Variants in SNX29 observed in about 807,000 individuals in gnomAD.
SNX29 encodes the protein sorting nexin 29.
Under a neutral mutation model 102.1 loss-of-function variants are expected in SNX29, and 78 were observed. The observed-to-expected ratio is 0.76, with a 90% confidence interval of 0.64 to 0.92. The LOEUF is 0.92. Ranked by LOEUF, SNX29 falls within the 40% of genes least tolerant of loss-of-function variation. The pLI, the probability that SNX29 is intolerant of heterozygous loss-of-function variation, is 0.00. For synonymous variants in SNX29, 580 were observed against 414.5 expected (o/e 1.40, Z -4.85); for missense variants, 1,280 against 1,061.7 (o/e 1.21, Z -2.86).
chr16:12,255,217 A>T (rs901023478), intron 14 of SNX29, among the ~76,000 whole-genome samples: 1 of 151,826 alleles, frequency 6.6e-6, no homozygotes, highest in Non-Finnish European at 1.5e-5. Flanking sequence ...TTTTTTTGAG[A>T]CTGAGTCTTG....
chr16:12,309,945 T>C (rs1390305055), intron 15 of SNX29, among the ~76,000 whole-genome samples: 1 of 152,210 alleles, frequency 6.6e-6, no homozygotes, highest in South Asian at 2.1e-4. Flanking sequence ...TCTTGATACT[T>C]CTTGAGCTAA....
intron 15 of SNX29, among the ~76,000 whole-genome samples, chr16:12,348,550 ATG>A (rs147478195): frequency 0.062 from 9,443 of 151,166 alleles, 959 homozygotes; most frequent in African/African-American, 0.22. Context: ...GTGTGTGTAC[ATG>A]TGTGTGTGTG....
chr16:12,216,455 C>G (rs913722019), intron 14 of SNX29, among the ~76,000 whole-genome samples: 1 of 152,176 alleles, frequency 6.6e-6, no homozygotes, highest in Non-Finnish European at 1.5e-5. Flanking sequence ...TACATAACAT[C>G]AAGCACCTGC....
chr16:12,313,193 T>A (rs1212093790), intron 15 of SNX29, among the ~76,000 whole-genome samples: 1 of 152,114 alleles, frequency 6.6e-6, no homozygotes, highest in Non-Finnish European at 1.5e-5. Context: ...TTTGTATTTT[T>A]AGTAGAGACG....
At chr16:12,195,754 C>G (rs1005488511) in intron 13 of SNX29, among the ~76,000 whole-genome samples, 13 of 152,106 alleles carry the variant, frequency 8.5e-5, no homozygotes, top group African/African-American at 3.1e-4. Flanking sequence ...GTTTAAATCC[C>G]AAGTTGGAGT....
chr16:12,178,325 G>A (rs544330578), intron 13 of SNX29, among the ~76,000 whole-genome samples: 3 of 152,122 alleles, frequency 2.0e-5, no homozygotes, highest in African/African-American at 4.8e-5. Flanking sequence ...CCGGTGCTGG[G>A]AGAGGCATGT....
At chr16:12,239,385 G>T (rs1354244007) in intron 14 of SNX29, among the ~76,000 whole-genome samples, 1 of 152,072 alleles carries the variant, frequency 6.6e-6, no homozygotes. Flanking sequence ...CCTCTTTGCT[G>T]GGTCGTATGT....
Position 12,570,955 on chromosome 16 carries a change from C to T in SNX29, c.*2326C>T, listed in dbSNP as rs922793319. 2 of 231,936 alleles carry T rather than the reference C, an allele frequency of 8.6e-6. No individual in the cohort carries two copies. Among genetic ancestry groups the T allele is most frequent in the Non-Finnish European group, 1.7e-5 (2 of 117,328 alleles). 14.4% of individuals were successfully genotyped at this position (231,936 alleles called of 1,614,324 possible). On this transcript the variant is annotated 3_prime_UTR_variant, in exon 21 of 21. Transcript: ENST00000566228. ...TCCTGGGAGCCACATGGGGACCATC[C>T]CCAGCTGCCTGCTCCTGGTACCTCC...
At chr16:12,166,760 G>A (rs2056045637) in intron 13 of SNX29, among the ~76,000 whole-genome samples, 1 of 152,206 alleles carries the variant, frequency 6.6e-6, no homozygotes, top group Non-Finnish European at 1.5e-5. Context: ...AGTTGGGTGT[G>A]TGTGGCTGTT....
chr16:12,129,672 C>T lies in SNX29; in HGVS notation c.1509C>T (p.Ala503=), dbSNP rs77098367. 1,275 of 1,611,108 alleles carry T rather than the reference C, an allele frequency of 7.9e-4. 5 individuals carry two copies. In the African/African-American group the frequency reaches 0.012, roughly 16 times the overall value. The part of the protein sequence containing the change: ...NLLDGEMEHS[A]ALRQEVDTLK... ...TCGACGGTGAGATGGAGCACTCAGC[C>T]GCGCTCCGGCAAGAGGTGGACACCT... is the stretch of plus-strand genomic sequence containing the variant. Residue 503 remains alanine (A), a synonymous_variant, in exon 13 of 21, where the codon GCC becomes GCT. Coordinates refer to ENST00000566228, the MANE Select transcript of SNX29 (RefSeq NM_032167.5).
At chr16:12,020,373 A>AT (rs1367164201) in intron 3 of SNX29, among the ~76,000 whole-genome samples, 1 of 151,796 alleles carries the variant, frequency 6.6e-6, no homozygotes, top group Non-Finnish European at 1.5e-5. Flanking sequence ...TTATTTATTT[A>AT]TTTTTTAGAA....
chr16:12,354,767 A>T (rs565344644), intron 15 of SNX29, among the ~76,000 whole-genome samples: 1 of 152,234 alleles, frequency 6.6e-6, no homozygotes, highest in Non-Finnish European at 1.5e-5. Flanking sequence ...TTAAAGGCCC[A>T]AAGACGATCG....
chr16:12,079,615 A>G (rs1170934937), intron 11 of SNX29, among the ~76,000 whole-genome samples: 1 of 152,100 alleles, frequency 6.6e-6, no homozygotes, highest in African/African-American at 2.4e-5. Flanking sequence ...AGCAGACACT[A>G]TGTAAACCAA....
At position 12,570,278 on chromosome 16, in the gene SNX29, C is replaced by G. The variant is rs549261640; in HGVS notation, c.*1649C>G. 2.8e-6 allele frequency: 3 copies of G among 1,064,278 alleles called. No homozygotes were observed. The highest frequency in any genetic ancestry group is 3.3e-5 in the African/African-American group (2 of 61,132). The allele number at this position is 1,064,278 out of a possible 1,614,324, so 65.9% of individuals were successfully genotyped here. On this transcript the variant is annotated 3_prime_UTR_variant, in exon 21 of 21. Coordinates refer to ENST00000566228, the MANE Select transcript of SNX29 (RefSeq NM_032167.5). ...AGCATGTATGGAGGTGCGGACCCTGCAGTCAGTTTGCGAGTGTGGAGGACC... is the reference window on the plus strand; with the variant it reads ...AGCATGTATGGAGGTGCGGACCCTGGAGTCAGTTTGCGAGTGTGGAGGACC...
chr16:12,565,085 G>A (rs1418738282), intron 20 of SNX29, among the ~76,000 whole-genome samples: 1 of 152,120 alleles, frequency 6.6e-6, no homozygotes, highest in Admixed American at 6.5e-5. Flanking sequence ...GGGACACATG[G>A]GGTCGTCTTC....
At chr16:12,539,390 C>A (rs756579897) in intron 20 of SNX29, among the ~76,000 whole-genome samples, 3 of 152,054 alleles carry the variant, frequency 2.0e-5, no homozygotes, top group Non-Finnish European at 2.9e-5. Context: ...CGTCTTTCAG[C>A]ATGTGTGAGA....
intron 20 of SNX29, among the ~76,000 whole-genome samples, chr16:12,553,276 A>G (rs1055718141): frequency 3.3e-5 from 5 of 152,234 alleles, no homozygotes; most frequent in South Asian, 4.1e-4. Context: ...GCCTAGGGGC[A>G]CAGAGTAAGA....
chr16:12,552,386 T>C (rs976461984), intron 20 of SNX29, among the ~76,000 whole-genome samples: 11 of 152,328 alleles, frequency 7.2e-5, no homozygotes, highest in East Asian at 3.9e-4. Context: ...GCAAGCATGG[T>C]ACCTGGCGCA....
chr16:12,540,416 G>C (rs993247024), intron 20 of SNX29, among the ~76,000 whole-genome samples: 4 of 152,226 alleles, frequency 2.6e-5, no homozygotes, highest in African/African-American at 7.2e-5. Context: ...AAAAACTACA[G>C]ATTTATTCTC....
Sources: allele counts gnomAD v4.1 joint callset (sites outside exome capture counted in the v4.1 genomes callset), GRCh38; gene constraint gnomAD v4.1.1; transcripts MANE v1.5; gene names NCBI Gene and HGNC (gene_info 2026-07-23, HGNC 2026-07-21).